PLXNC1: variants seen among roughly 807,000 people sequenced by gnomAD.
PLXNC1 encodes the protein plexin C1.
In PLXNC1, 75 loss-of-function variants were observed where a neutral mutation model predicts 178.2. The observed-to-expected ratio is 0.42, with a 90% CI of 0.35 to 0.51. The LOEUF (loss-of-function observed/expected upper bound fraction) is 0.51, where lower values mean the gene tolerates loss of function less well. Ranked by LOEUF, PLXNC1 falls within the 20% of genes least tolerant of loss-of-function variation. The pLI, the probability that PLXNC1 is intolerant of heterozygous loss-of-function variation, is 0.02. For synonymous variants in PLXNC1, 790 were observed against 779.9 expected (o/e 1.01, Z -0.22); for missense variants, 1,503 against 1,984.4 (o/e 0.76, Z 4.61).
intron 2 of PLXNC1, among the ~76,000 whole-genome samples, chr12:94,179,671 G>A (rs1962231607): frequency 1.4e-5 from 2 of 147,586 alleles, no homozygotes; most frequent in East Asian, 4.0e-4. Flanking sequence ...AACCTGGGAA[G>A]CAGAGGTTGC....
intron 2 of PLXNC1, 44 bp downstream of exon 2, chr12:94,169,337 T>C (rs1565790526): frequency 6.4e-7 from 1 of 1,552,230 alleles, no homozygotes; most frequent in Non-Finnish European, 8.8e-7. Context: ...TTAATGGTGA[T>C]ATTTTGTACT....
Position 94,148,918 on chromosome 12 carries a change from C to T in PLXNC1, c.-54C>T, listed in dbSNP as rs1366707273. The T allele has an allele frequency of 5.3e-5, 35 of 666,126 alleles. No homozygotes were observed. The highest frequency in any genetic ancestry group is 6.9e-5 in the Non-Finnish European group (35 of 507,650). 41.3% of individuals were successfully genotyped at this position (666,126 alleles called of 1,614,324 possible). ...CCGCCCGCGTCTCCGTTGCCGCGCGCCTGAGCCGCCGTCGCCGCCGCGCGC... is the reference window on the plus strand; with the variant it reads ...CCGCCCGCGTCTCCGTTGCCGCGCGTCTGAGCCGCCGTCGCCGCCGCGCGC... On this transcript the variant is annotated 5_prime_UTR_variant, in exon 1 of 31. Coordinates refer to ENST00000258526, the MANE Select transcript of PLXNC1 (RefSeq NM_005761.3). The surrounding 1 kb of genome is among the most constrained non-coding windows in gnomAD (Gnocchi z 4.8).
At chr12:94,221,240 G>C (rs1963787642) in intron 6 of PLXNC1, among the ~76,000 whole-genome samples, 2 of 152,216 alleles carry the variant, frequency 1.3e-5, no homozygotes, top group Non-Finnish European at 2.9e-5. Flanking sequence ...ATCAATAAAT[G>C]TTTCTTGAAT....
chr12:94,211,161 A>G (rs948059534), intron 5 of PLXNC1, among the ~76,000 whole-genome samples: 9 of 152,306 alleles, frequency 5.9e-5, no homozygotes, highest in African/African-American at 1.4e-4. Context: ...GGTCTGGTAC[A>G]TTTCAAAACT....
intron 1 of PLXNC1, among the ~76,000 whole-genome samples, 158 bp downstream of exon 1, chr12:94,150,191 C>T (rs1007644990): frequency 1.3e-5 from 2 of 152,160 alleles, no homozygotes; most frequent in Non-Finnish European, 2.9e-5. Context: ...CGTCCGAAGG[C>T]TCCTCTCGGA....
intron 20 of PLXNC1, among the ~76,000 whole-genome samples, chr12:94,263,545 G>C (rs1180802947): frequency 6.6e-6 from 1 of 152,012 alleles, no homozygotes; most frequent in African/African-American, 2.4e-5. Context: ...CTATCCAAGG[G>C]TTCTCAGCCT....
At chr12:94,297,565 C>A in intron 26 of PLXNC1, 142 bp downstream of exon 26, 1 of 628,948 alleles carries the variant, frequency 1.6e-6, no homozygotes, top group Non-Finnish European at 2.8e-6. Context: ...ATTGTAAACA[C>A]TTCCTACCCA....
intron 22 of PLXNC1, among the ~76,000 whole-genome samples, chr12:94,281,344 C>G (rs1178091382): frequency 6.6e-6 from 1 of 152,074 alleles, no homozygotes; most frequent in African/African-American, 2.4e-5. Context: ...GCTTGGAGCT[C>G]TTACAGCAGA....
intron 4 of PLXNC1, among the ~76,000 whole-genome samples, chr12:94,204,413 CT>C (rs1440618904): frequency 6.6e-6 from 1 of 152,198 alleles, no homozygotes; most frequent in Non-Finnish European, 1.5e-5. Flanking sequence ...AAGACATCGC[CT>C]GGCATGTTAG....
At chr12:94,264,857 C>T (rs961837598) in intron 20 of PLXNC1, among the ~76,000 whole-genome samples, 18 of 152,214 alleles carry the variant, frequency 1.2e-4, no homozygotes, top group Non-Finnish European at 8.8e-5. Flanking sequence ...AATGTGCACG[C>T]GTGCGCGTGT....
chr12:94,225,101 G>A (rs538710722), intron 7 of PLXNC1, among the ~76,000 whole-genome samples: 1 of 152,292 alleles, frequency 6.6e-6, no homozygotes, highest in East Asian at 1.9e-4. Flanking sequence ...ATAGGCCCCT[G>A]AGTTAGTGCC....
At chr12:94,171,241 G>A (rs1339552540) in intron 2 of PLXNC1, among the ~76,000 whole-genome samples, 2 of 152,198 alleles carry the variant, frequency 1.3e-5, no homozygotes, top group Admixed American at 1.3e-4. Flanking sequence ...CTGCTGAGGA[G>A]GCCGCAGCCG....
At chr12:94,236,317 C>T (rs1376827154) in intron 9 of PLXNC1, among the ~76,000 whole-genome samples, 2 of 152,162 alleles carry the variant, frequency 1.3e-5, no homozygotes, top group Non-Finnish European at 2.9e-5. Flanking sequence ...ACGACTGTGC[C>T]GTGTAGCACC....
At chr12:94,269,066 G>A (rs1965420785) in intron 21 of PLXNC1, among the ~76,000 whole-genome samples, 1 of 152,162 alleles carries the variant, frequency 6.6e-6, no homozygotes, top group Non-Finnish European at 1.5e-5. Flanking sequence ...AGGGACATTT[G>A]CTTCACTTTC....
chr12:94,174,493 G>A (rs1323595419), intron 2 of PLXNC1, among the ~76,000 whole-genome samples: 4 of 152,118 alleles, frequency 2.6e-5, no homozygotes, highest in Non-Finnish European at 4.4e-5. Flanking sequence ...CAGGGATTTC[G>A]TTTATTCAAA....
chr12:94,177,522 A>G (rs1565794789), intron 2 of PLXNC1, among the ~76,000 whole-genome samples: 6 of 147,178 alleles, frequency 4.1e-5, no homozygotes, highest in African/African-American at 1.3e-4. Flanking sequence ...AAAGAGAGAG[A>G]GAGGGAGAAA....
intron 4 of PLXNC1, among the ~76,000 whole-genome samples, chr12:94,202,187 GT>G (rs1308249865): frequency 1.3e-5 from 2 of 152,114 alleles, no homozygotes; most frequent in African/African-American, 4.8e-5. Context: ...TGCAGAAGAC[GT>G]ACCTCAATTT....
chr12:94,254,384 T>A (rs1367632636), intron 15 of PLXNC1: 2 of 379,128 alleles, frequency 5.3e-6, no homozygotes, highest in Non-Finnish European at 1.0e-5. Context: ...ACAACTTTAT[T>A]TCTCCAGGGA....
chr12:94,300,600 A>G (rs1968370537), intron 27 of PLXNC1, among the ~76,000 whole-genome samples: 1 of 152,092 alleles, frequency 6.6e-6, no homozygotes, highest in Non-Finnish European at 1.5e-5. Flanking sequence ...TTATGTGAGA[A>G]CAAACTGTCA....
Sources: gnomAD v4.1 joint callset for allele counts (sites outside exome capture counted in the v4.1 genomes callset) on GRCh38, gnomAD v4.1.1 for gene constraint, Gnocchi (gnomAD v3.1) non-coding constraint, MANE v1.5 for transcripts, NCBI Gene and HGNC (gene_info 2026-07-23, HGNC 2026-07-21) for gene names.